Variants in IPO7 observed in about 807,000 individuals in gnomAD.
IPO7 encodes the protein importin 7, also known as importin-7.
A neutral mutation model predicts 136.4 loss-of-function variants in IPO7; 13 were observed. That is an observed-to-expected ratio of 0.10 (90% confidence interval 0.06 to 0.15). IPO7 has a LOEUF of 0.15. IPO7 is among the 10% of genes least tolerant of loss of function. IPO7 has a pLI of 1.00. For missense variants in IPO7, 857 were observed against 1,240.6 expected, an observed-to-expected ratio of 0.69 and a Z score of 4.65; for synonymous variants, 403 against 404.4, an observed-to-expected ratio of 1.00 and a Z score of 0.04.
At chr11:9,425,705 C>G (rs1171913372) in intron 12 of IPO7, among the ~76,000 whole-genome samples, 1 of 152,090 alleles carries the variant, frequency 6.6e-6, no homozygotes, top group Non-Finnish European at 1.5e-5. Context: ...GAAACCCCGT[C>G]TCTACTAAAA....
chr11:9,438,208 A>C lies in IPO7; in HGVS notation c.2618A>C (p.Lys873Thr). 6.2e-7 allele frequency: 1 copy of C among 1,613,676 alleles called. No individual in the cohort carries two copies. Among genetic ancestry groups the C allele is most frequent in the Non-Finnish European group, 8.5e-7 (1 of 1,179,970 alleles). ...TTTATCCTTTTATTTAACGGATTGA[A>C]AAGAGCATATGCCTGCCATGCAGAA... Reference protein sequence around the residue: ...PAFILLFNGLKRAYACHAEHE... With the variant: ...PAFILLFNGLTRAYACHAEHE... The change falls in exon 22 of 25, where the codon AAA (lysine) becomes ACA (threonine). Residue 873 changes from lysine to threonine, a missense_variant. Coordinates refer to ENST00000379719, the MANE Select transcript of IPO7 (RefSeq NM_006391.3).
chr11:9,446,573 T>C lies in IPO7; in HGVS notation c.*1379T>C, dbSNP rs1032644466. The C allele has an allele frequency of 3.9e-5, 6 of 152,230 alleles. No individual in the cohort carries two copies. The highest frequency in any genetic ancestry group is 1.3e-4 in the Admixed American group (2 of 15,276). The allele number at this position is 152,230 out of a possible 1,614,324, so 9.4% of individuals were successfully genotyped here. ...TTATTGATCTTAAACATCGGTCAGA[T>C]GAGTCATACATTGGGTTATTTTTTA... On this transcript the variant is annotated 3_prime_UTR_variant, in exon 25 of 25. Coordinates refer to ENST00000379719, the MANE Select transcript of IPO7 (RefSeq NM_006391.3).
intron 10 of IPO7, among the ~76,000 whole-genome samples, chr11:9,424,556 C>A (rs1855176941): frequency 6.6e-6 from 1 of 152,074 alleles, no homozygotes; most frequent in South Asian, 2.1e-4. Context: ...CCAGCCTGAC[C>A]AATATAGTGA....
At chr11:9,433,276 G>A (rs1245849762) in intron 16 of IPO7, 3 of 314,800 alleles carry the variant, frequency 9.5e-6, no homozygotes, top group East Asian at 7.0e-5. Flanking sequence ...GTGAGCCACC[G>A]CGCCCGGCCA....
intron 18 of IPO7, among the ~76,000 whole-genome samples, chr11:9,434,702 A>G (rs1226341036): frequency 2.0e-5 from 3 of 152,136 alleles, no homozygotes; most frequent in Non-Finnish European, 4.4e-5. Flanking sequence ...CTGAGGTGGG[A>G]GGATCACCTG....
chr11:9,432,076 T>C (rs375255333), intron 16 of IPO7, among the ~76,000 whole-genome samples: 16 of 152,292 alleles, frequency 1.1e-4, no homozygotes, highest in African/African-American at 3.8e-4. Flanking sequence ...TTTCTTCCCA[T>C]AGAAGTAACA....
At chr11:9,433,927 T>TC in intron 18 of IPO7, 81 bp downstream of exon 18, 1 of 1,219,284 alleles carries the variant, frequency 8.2e-7, no homozygotes, top group Non-Finnish European at 1.1e-6. Flanking sequence ...CATACACTTT[T>TC]TTTTTTTTTT....
At chr11:9,408,961 C>G (rs532389913) in intron 3 of IPO7, among the ~76,000 whole-genome samples, 1 of 151,910 alleles carries the variant, frequency 6.6e-6, no homozygotes, top group African/African-American at 2.4e-5. Context: ...ATCCAACTGC[C>G]TCGGCTTCCC....
chr11:9,405,276 G>C (rs1854865753), intron 2 of IPO7, among the ~76,000 whole-genome samples: 1 of 151,984 alleles, frequency 6.6e-6, no homozygotes. Flanking sequence ...CCAGGTTCAC[G>C]CCATTCTCCT....
chr11:9,428,800 GT>G (rs1363138608), intron 13 of IPO7, 171 bp downstream of exon 13: 1 of 782,762 alleles, frequency 1.3e-6, no homozygotes, highest in Non-Finnish European at 2.4e-6. Context: ...GGTTTCATCT[GT>G]GTCTGGTAGC....
At chr11:9,441,984 G>A (rs1855465054) in intron 23 of IPO7, 97 bp from the exon 24 acceptor site, 3 of 572,984 alleles carry the variant, frequency 5.2e-6, no homozygotes, top group Non-Finnish European at 6.4e-6. Context: ...CAGAATTTCA[G>A]TATTGCCTCG....
At chr11:9,410,166 A>G in intron 4 of IPO7, 80 bp downstream of exon 4, 1 of 938,862 alleles carries the variant, frequency 1.1e-6, no homozygotes, top group East Asian at 2.8e-5. Context: ...GAACATGTAA[A>G]ATTATATTTA....
intron 2 of IPO7, among the ~76,000 whole-genome samples, chr11:9,405,331 C>T (rs1441786551): frequency 6.6e-6 from 1 of 152,048 alleles, no homozygotes; most frequent in Non-Finnish European, 1.5e-5. Context: ...CCCGCCACCA[C>T]GCCCGGCTAA....
chr11:9,397,341 A>AAAAAAAAAAAAAAAAAATATATAT, intron 1 of IPO7, among the ~76,000 whole-genome samples: 27 of 10,752 alleles, frequency 2.5e-3, no homozygotes, highest in South Asian at 6.6e-3. Flanking sequence ...TTTAAAAAAA[A>AAAAAAAAAAAAAAAAAATATATAT]ATATATATAT....
intron 18 of IPO7, 116 bp from the exon 19 acceptor site, chr11:9,434,818 G>T: frequency 2.8e-6 from 2 of 722,330 alleles, no homozygotes; most frequent in South Asian, 3.0e-5. Context: ...AAAAAAAGGT[G>T]AATGTTAGAG....
intron 15 of IPO7, 150 bp downstream of exon 15, chr11:9,429,984 A>C: frequency 1.7e-6 from 1 of 571,680 alleles, no homozygotes; most frequent in Non-Finnish European, 3.0e-6. Flanking sequence ...TTTTCCACAG[A>C]TGGTCCGGGG....
At chr11:9,400,466 G>C (rs555672313) in intron 1 of IPO7, among the ~76,000 whole-genome samples, 1 of 151,948 alleles carries the variant, frequency 6.6e-6, no homozygotes, top group Middle Eastern at 3.4e-3. Context: ...CTGTCGCCCA[G>C]GCTGGAGTGC....
chr11:9,428,441 G>T, intron 12 of IPO7, 99 bp from the exon 13 acceptor site: 1 of 528,372 alleles, frequency 1.9e-6, no homozygotes, highest in Non-Finnish European at 3.4e-6. Context: ...ATAAATATAT[G>T]TAACATTAAT....
intron 16 of IPO7, among the ~76,000 whole-genome samples, chr11:9,431,465 A>AT (rs5789607): frequency 0.47 from 68,989 of 145,696 alleles, 17,802 homozygotes; most frequent in Non-Finnish European, 0.59. Context: ...GTAATAATGG[A>AT]TTTTTTTTTT....
Sources: allele counts gnomAD v4.1 joint callset (sites outside exome capture counted in the v4.1 genomes callset), GRCh38; gene constraint gnomAD v4.1.1; transcripts MANE v1.5; gene names NCBI Gene and HGNC (gene_info 2026-07-23, HGNC 2026-07-21).